Variants in NXPE2 observed in about 807,000 individuals in gnomAD.
NXPE2 encodes the protein neurexophilin and PC-esterase domain family member 2.
In NXPE2, 34 loss-of-function variants were observed where a neutral mutation model predicts 34.4. The observed-to-expected ratio is 0.99, with a 90% CI of 0.75 to 1.31. NXPE2 has a LOEUF of 1.31. Ranked by LOEUF, NXPE2 falls within the 40% of genes most tolerant of loss-of-function variation. The probability of loss-of-function intolerance (pLI) is 0.00; values close to 1 mark genes in which losing one functional copy is unlikely to be tolerated. For missense variants in NXPE2, 649 were observed against 672.5 expected, an observed-to-expected ratio of 0.97 and a Z score of 0.39; for synonymous variants, 235 against 231.3, an observed-to-expected ratio of 1.02 and a Z score of -0.15.
the NXPE2 span, among the ~76,000 whole-genome samples, chr11:114,465,337 T>C: frequency 2.0e-5 from 3 of 152,200 alleles, no homozygotes; most frequent in African/African-American, 7.2e-5. Context: ...TGCAGCTACA[T>C]GCAGCAACAT....
chr11:114,809,080 C>T, the NXPE2 span, among the ~76,000 whole-genome samples: 2 of 152,058 alleles, frequency 1.3e-5, no homozygotes, highest in Non-Finnish European at 2.9e-5. Context: ...TAAACAGAAC[C>T]AAAGACAAAA....
At chr11:114,691,265 CT>C (rs1240905048) in intron 2 of NXPE2, among the ~76,000 whole-genome samples, 1 of 150,678 alleles carries the variant, frequency 6.6e-6, no homozygotes, top group Non-Finnish European at 1.5e-5. Context: ...TTTTTTCTTT[CT>C]TTTTTTTCTT....
the NXPE2 span, chr11:114,583,344 A>G: frequency 1.8e-5 from 11 of 619,980 alleles, no homozygotes; most frequent in East Asian, 3.7e-4. Flanking sequence ...CACCCAAGGA[A>G]TCCTCACTGA....
chr11:114,468,848 A>T, the NXPE2 span, among the ~76,000 whole-genome samples: 10 of 152,182 alleles, frequency 6.6e-5, no homozygotes, highest in East Asian at 1.7e-3. Context: ...TGCCCAGTTC[A>T]TATATCTGAT....
the NXPE2 span, among the ~76,000 whole-genome samples, chr11:114,493,946 T>C: frequency 3.0e-4 from 46 of 152,172 alleles, no homozygotes; most frequent in African/African-American, 1.1e-3. Flanking sequence ...TTCTCCTTCA[T>C]ATTTGAAGGA....
At chr11:114,678,119 C>T (rs1950878927), upstream of NXPE2, among the ~76,000 whole-genome samples, 2 of 152,060 alleles carry the variant, frequency 1.3e-5, no homozygotes, top group Admixed American at 6.6e-5. Context: ...TGAGAGGACC[C>T]AGCTGAATCA....
At chr11:114,812,978 C>A in the NXPE2 span, among the ~76,000 whole-genome samples, 1 of 152,170 alleles carries the variant, frequency 6.6e-6, no homozygotes, top group South Asian at 2.1e-4. Flanking sequence ...TGGCTGCACC[C>A]TGGGGAGAGA....
chr11:114,744,808 AAAAG>A, the NXPE2 span, among the ~76,000 whole-genome samples: 1 of 152,324 alleles, frequency 6.6e-6, no homozygotes, highest in Middle Eastern at 3.4e-3. Flanking sequence ...GTCTCAGAAA[AAAAG>A]AAAGAAAAAC....
chr11:114,583,304 G>C, the NXPE2 span: 38 of 634,746 alleles, frequency 6.0e-5, no homozygotes, highest in Admixed American at 3.2e-4. Flanking sequence ...CTACGATAGG[G>C]GTGTTGGAAA....
the NXPE2 span, among the ~76,000 whole-genome samples, chr11:114,627,251 G>A: frequency 2.6e-5 from 4 of 152,094 alleles, no homozygotes; most frequent in African/African-American, 9.6e-5. Flanking sequence ...AGGAAAAAAT[G>A]TTAAAGGCAG....
intron 1 of NXPE2, among the ~76,000 whole-genome samples, chr11:114,679,209 A>G (rs1950903572): frequency 6.7e-6 from 1 of 148,476 alleles, no homozygotes; most frequent in African/African-American, 2.5e-5. Flanking sequence ...TGAGGCAGAT[A>G]AGACCAGGGA....
chr11:114,809,956 GT>G, the NXPE2 span, among the ~76,000 whole-genome samples: 2 of 151,092 alleles, frequency 1.3e-5, no homozygotes, highest in Non-Finnish European at 2.9e-5. Flanking sequence ...CACGGCTACA[GT>G]AACCAAAACA....
At chr11:114,520,650 A>C in the NXPE2 span, among the ~76,000 whole-genome samples, 8 of 152,326 alleles carry the variant, frequency 5.3e-5, no homozygotes, top group South Asian at 1.7e-3. Flanking sequence ...GCTGGGTCAT[A>C]TGGTAGTTCT....
At chr11:114,791,983 G>T in the NXPE2 span, among the ~76,000 whole-genome samples, 4 of 152,156 alleles carry the variant, frequency 2.6e-5, no homozygotes, top group African/African-American at 9.7e-5. Flanking sequence ...TCATGAACCC[G>T]GGAGGCGGAG....
the NXPE2 span, among the ~76,000 whole-genome samples, chr11:114,812,872 G>A: frequency 6.6e-6 from 1 of 152,094 alleles, no homozygotes; most frequent in Non-Finnish European, 1.5e-5. Context: ...TTTGTACTGT[G>A]TTATTTCCAT....
chr11:114,551,081 A>G, the NXPE2 span: 1 of 1,301,416 alleles, frequency 7.7e-7, no homozygotes, highest in East Asian at 2.5e-5. Context: ...TGTGATCTGC[A>G]TCAAAGGTGA....
chr11:114,788,609 T>C, the NXPE2 span, among the ~76,000 whole-genome samples: 1 of 152,198 alleles, frequency 6.6e-6, no homozygotes, highest in Non-Finnish European at 1.5e-5. Context: ...GGCCCACTGG[T>C]CCCCGGAAAC....
At chr11:114,594,632 T>G in the NXPE2 span, 2 of 1,397,970 alleles carry the variant, frequency 1.4e-6, no homozygotes, top group Non-Finnish European at 2.0e-6. Context: ...AAAATAAGCT[T>G]CTGTAAACCA....
chr11:114,568,871 T>C, the NXPE2 span, among the ~76,000 whole-genome samples: 12 of 152,310 alleles, frequency 7.9e-5, no homozygotes, highest in East Asian at 1.9e-3. Context: ...GTTTATTATC[T>C]TTTTCCTTTA....
Sources: gnomAD v4.1 joint callset for allele counts (sites outside exome capture counted in the v4.1 genomes callset) on GRCh38, gnomAD v4.1.1 for gene constraint, MANE v1.5 for transcripts, NCBI Gene and HGNC (gene_info 2026-07-23, HGNC 2026-07-21) for gene names.